The following TBXAS1 variants were observed in gnomAD, a reference collection of about 807,000 sequenced individuals.
The protein encoded by TBXAS1 is thromboxane A synthase 1.
In TBXAS1, 48 loss-of-function variants were observed where a neutral mutation model predicts 60.7. That is an observed-to-expected ratio of 0.79 (90% confidence interval 0.63 to 1.01). The LOEUF (loss-of-function observed/expected upper bound fraction) is 1.01, where lower values mean the gene tolerates loss of function less well. Ranked by LOEUF, TBXAS1 falls within the 50% of genes least tolerant of loss-of-function variation. The probability of loss-of-function intolerance (pLI) is 0.00; values close to 1 mark genes in which losing one functional copy is unlikely to be tolerated. For missense variants in TBXAS1, 685 were observed against 686.3 expected, an observed-to-expected ratio of 1.00 and a Z score of 0.02; for synonymous variants, 287 against 269.7, an observed-to-expected ratio of 1.06 and a Z score of -0.63.
intron 1 of TBXAS1, among the ~76,000 whole-genome samples, chr7:139,862,071 G>A (rs989507210): frequency 3.9e-5 from 6 of 152,216 alleles, no homozygotes; most frequent in African/African-American, 1.4e-4. Flanking sequence ...AGAGATGATT[G>A]GGAGACAACA....
intron 12 of TBXAS1, 135 bp from the exon 13 acceptor site, chr7:140,019,890 T>A (rs1397042935): frequency 1.2e-6 from 1 of 806,690 alleles, no homozygotes; most frequent in African/African-American, 1.7e-5. Flanking sequence ...AAAGATAGGT[T>A]TGGGGCTTTG....
rs142963286 is a variant in TBXAS1 at position 139,782,038 on chromosome 7, T to C, written c.-232-628T>C. ...AGGTACCAGAAAAGAGCACCAGAGA[T>C]TGCTCCAAGCAGAGAGGGCCTTACC... On this transcript the variant is annotated intron_variant, in intron 2 of 16. Coordinates refer to the TBXAS1 transcript ENST00000336425. Among the ~76,000 whole-genome samples the C allele has an allele frequency of 1.1e-4, 17 of 151,336 alleles. 1 individual carries two copies. The East Asian group carries it at 3.3e-3, about 30-fold the overall frequency.
intron 5 of TBXAS1, among the ~76,000 whole-genome samples, chr7:139,940,536 C>T (rs192175054): frequency 1.3e-5 from 2 of 152,246 alleles, no homozygotes; most frequent in East Asian, 1.9e-4. Context: ...TGGAAAGCCC[C>T]GGCACAGTGA....
At chr7:139,780,157 T>G (rs1796937301) in intron 1 of TBXAS1, among the ~76,000 whole-genome samples, 1 of 152,250 alleles carries the variant, frequency 6.6e-6, no homozygotes, top group South Asian at 2.1e-4. Flanking sequence ...GTTCTCCTTT[T>G]GCATCTGTAA....
chr7:139,950,985 C>CTCT (rs1236131037), intron 5 of TBXAS1, among the ~76,000 whole-genome samples: 1 of 152,148 alleles, frequency 6.6e-6, no homozygotes, highest in African/African-American at 2.4e-5. Context: ...GAGGAAACTG[C>CTCT]AGAGGAGAGG....
At chr7:139,927,248 T>C (rs1035403217) in intron 4 of TBXAS1, among the ~76,000 whole-genome samples, 1 of 151,716 alleles carries the variant, frequency 6.6e-6, no homozygotes, top group Non-Finnish European at 1.5e-5. Flanking sequence ...TCTGCCTGCC[T>C]CAGCCAAAGT....
At chr7:139,808,027 C>T (rs185915944) in intron 4 of TBXAS1, among the ~76,000 whole-genome samples, 25 of 152,182 alleles carry the variant, frequency 1.6e-4, no homozygotes, top group African/African-American at 4.3e-4. Flanking sequence ...CTTACAGATA[C>T]AATAGACCTA....
chr7:139,939,370 CAAAAAAA>C (rs61551753), intron 5 of TBXAS1, among the ~76,000 whole-genome samples: 2 of 48,838 alleles, frequency 4.1e-5, no homozygotes, highest in Admixed American at 3.6e-4. Context: ...GACTCCATCT[CAAAAAAA>C]AAAAAAAAAA....
chr7:139,957,459 C>T lies in TBXAS1; in HGVS notation c.689-175C>T, dbSNP rs530840374. The T allele has an allele frequency of 1.2e-3, 865 of 750,424 alleles. 6 individuals are homozygous for T. The highest frequency in any genetic ancestry group is 3.0e-3 in the South Asian group (195 of 65,438). 46.5% of individuals were successfully genotyped at this position (750,424 alleles called of 1,614,324 possible). ...TATGTGCCAGGAATGGTGAGGAGTACCGAGAGGGAGTGAGACATCACCCCT... is the reference window on the plus strand; with the variant it reads ...TATGTGCCAGGAATGGTGAGGAGTATCGAGAGGGAGTGAGACATCACCCCT... On this transcript the variant is annotated intron_variant, in intron 7 of 12. Transcript: ENST00000448866.
At chr7:139,960,584 A>C (rs1810250641) in intron 8 of TBXAS1, among the ~76,000 whole-genome samples, 1 of 152,168 alleles carries the variant, frequency 6.6e-6, no homozygotes. Flanking sequence ...CGCCTCTACT[A>C]AAGATACAAA....
At chr7:139,875,172 T>C (rs559564958) in intron 2 of TBXAS1, among the ~76,000 whole-genome samples, 68 of 152,342 alleles carry the variant, frequency 4.5e-4, no homozygotes, top group African/African-American at 1.6e-3. Flanking sequence ...TTGAATTTAA[T>C]TAAAGTTTAA....
intron 4 of TBXAS1, among the ~76,000 whole-genome samples, chr7:139,800,488 G>A (rs1478135563): frequency 6.6e-6 from 1 of 151,926 alleles, no homozygotes; most frequent in Non-Finnish European, 1.5e-5. Context: ...ACTTCCTTCA[G>A]TAGTGTCATT....
At chr7:139,923,691 C>T (rs1200795936) in intron 4 of TBXAS1, among the ~76,000 whole-genome samples, 1 of 151,792 alleles carries the variant, frequency 6.6e-6, no homozygotes, top group Non-Finnish European at 1.5e-5. Context: ...ATTTTAAAAC[C>T]TGCAATTAAA....
intron 1 of TBXAS1, among the ~76,000 whole-genome samples, chr7:139,871,028 G>C (rs1370383737): frequency 6.6e-6 from 1 of 152,194 alleles, no homozygotes; most frequent in African/African-American, 2.4e-5. Flanking sequence ...GTTTTAGGCT[G>C]CAGTGAGCCT....
chr7:139,922,413 C>A, intron 4 of TBXAS1, among the ~76,000 whole-genome samples: 1 of 152,100 alleles, frequency 6.6e-6, no homozygotes, highest in Admixed American at 6.6e-5. Context: ...AGAACTTTTT[C>A]ATATGCTCTC....
intron 4 of TBXAS1, among the ~76,000 whole-genome samples, chr7:139,813,469 A>G (rs1209639509): frequency 6.6e-6 from 1 of 152,242 alleles, no homozygotes; most frequent in African/African-American, 2.4e-5. Context: ...ACTTCCTGAC[A>G]AATGTTTCAC....
chr7:139,785,917 C>T (rs1328155363), intron 3 of TBXAS1, among the ~76,000 whole-genome samples: 1 of 151,778 alleles, frequency 6.6e-6, no homozygotes, highest in Non-Finnish European at 1.5e-5. Context: ...ACCCAGTTCA[C>T]ATGCTATTTC....
chr7:139,886,028 A>C lies in TBXAS1; in HGVS notation c.236+10391A>C, dbSNP rs369422729. 5.9e-5 allele frequency among the ~76,000 whole-genome samples: 9 copies of C among 152,346 alleles called. No homozygotes were observed. In the East Asian group the frequency reaches 1.7e-3, roughly 29 times the overall value. Reference sequence around the variant, plus strand: ...TCTTTTAAAGTTTGGGTTGTTTACTATGCATTCTAATTACTCCTGATCACT... The same window carrying C: ...TCTTTTAAAGTTTGGGTTGTTTACTCTGCATTCTAATTACTCCTGATCACT... On this transcript the variant is annotated intron_variant, in intron 3 of 12. Transcript: ENST00000448866.
intron 9 of TBXAS1, among the ~76,000 whole-genome samples, chr7:139,987,572 C>T (rs919837615): frequency 5.9e-5 from 9 of 152,178 alleles, no homozygotes; most frequent in African/African-American, 9.7e-5. Context: ...CTCAGCACCA[C>T]GCATGTCCCA....
Sources: gnomAD v4.1 joint callset for allele counts (sites outside exome capture counted in the v4.1 genomes callset) on GRCh38, gnomAD v4.1.1 for gene constraint, MANE v1.5 for transcripts, NCBI Gene and HGNC (gene_info 2026-07-23, HGNC 2026-07-21) for gene names.